Variants in COL12A1 observed in about 807,000 individuals in gnomAD.
The protein encoded by COL12A1 is collagen alpha-1(XII) chain.
A neutral mutation model predicts 349.7 loss-of-function variants in COL12A1; 114 were observed. That is an observed-to-expected ratio of 0.33 (90% CI 0.28 to 0.38). COL12A1 has a LOEUF of 0.38. Ranked by LOEUF, COL12A1 falls within the 10% of genes least tolerant of loss-of-function variation. COL12A1 has a pLI of 1.00. For synonymous variants in COL12A1, 1,369 were observed against 1,329.0 expected (o/e 1.03, Z -0.66); for missense variants, 3,284 against 3,756.9 (o/e 0.87, Z 3.29).
intron 37 of COL12A1, among the ~76,000 whole-genome samples, 181 bp from the exon 38 acceptor site, chr6:75,128,606 G>A (rs1766139585): frequency 1.3e-5 from 2 of 152,112 alleles, no homozygotes; most frequent in African/African-American, 4.8e-5. Context: ...ATAGGAGAGT[G>A]GTTTTAGAAT....
At chr6:75,116,417 A>G (rs1043178479) in intron 47 of COL12A1, among the ~76,000 whole-genome samples, 3 of 152,118 alleles carry the variant, frequency 2.0e-5, no homozygotes, top group African/African-American at 7.2e-5. Context: ...GAGCTTGTCC[A>G]TCCCCAACCC....
At chr6:75,163,351 T>C (rs1304234658) in intron 14 of COL12A1, among the ~76,000 whole-genome samples, 2 of 152,226 alleles carry the variant, frequency 1.3e-5, no homozygotes, top group African/African-American at 4.8e-5. Context: ...GATGAGTTCA[T>C]GTCCTTTGCA....
intron 17 of COL12A1, among the ~76,000 whole-genome samples, chr6:75,153,777 T>C (rs1767613480): frequency 6.6e-6 from 1 of 152,286 alleles, no homozygotes; most frequent in South Asian, 2.1e-4. Context: ...ACTAGCTTTA[T>C]GTTCATAAAG....
intron 2 of COL12A1, among the ~76,000 whole-genome samples, chr6:75,196,097 T>G (rs1770214910): frequency 6.6e-6 from 1 of 152,232 alleles, no homozygotes; most frequent in African/African-American, 2.4e-5. Context: ...AAATATTTTA[T>G]AATGATATTC....
At chr6:75,156,625 A>G (rs1204466943) in intron 14 of COL12A1, 102 bp from the exon 15 acceptor site, 13 of 1,073,924 alleles carry the variant, frequency 1.2e-5, no homozygotes, top group Non-Finnish European at 1.6e-5. Context: ...CTTCTTAAAT[A>G]TGTACACTGT....
intron 25 of COL12A1, among the ~76,000 whole-genome samples, chr6:75,144,285 C>T (rs1453888186): frequency 6.6e-6 from 1 of 152,176 alleles, no homozygotes; most frequent in Admixed American, 6.5e-5. Context: ...CCATTCCTTC[C>T]ATCTGCCACT....
intron 7 of COL12A1, 119 bp from the exon 8 acceptor site, chr6:75,188,654 T>C: frequency 9.0e-7 from 1 of 1,107,126 alleles, no homozygotes; most frequent in South Asian, 1.4e-5. Context: ...CATTAAGTCA[T>C]AAGCCAGAAT....
intron 8 of COL12A1, among the ~76,000 whole-genome samples, chr6:75,185,649 C>T (rs796339287): frequency 2.0e-5 from 3 of 152,112 alleles, no homozygotes; most frequent in African/African-American, 4.8e-5. Context: ...AAAAAGAATC[C>T]GAATATCCAA....
Position 75,101,492 on chromosome 6 carries a change from C to A in COL12A1, c.8523+108G>T, listed in dbSNP as rs949310460. 9 of 1,057,524 alleles carry A rather than the reference C, an allele frequency of 8.5e-6. No homozygotes were observed. In the African/African-American group the frequency reaches 1.4e-4, roughly 17 times the overall value. 65.5% of individuals were successfully genotyped at this position (1,057,524 alleles called of 1,614,324 possible). ...AGCTTTGCAGCTTTGCAGCTTTCCACAAGATATATTACCAGCCTTGCAAAC... is the reference window on the plus strand; with the variant it reads ...AGCTTTGCAGCTTTGCAGCTTTCCAAAAGATATATTACCAGCCTTGCAAAC... On this transcript the variant is annotated intron_variant, in intron 58 of 65. Coordinates refer to ENST00000322507, the MANE Select transcript of COL12A1 (RefSeq NM_004370.6).
In COL12A1 at chr6:75,103,799, A is replaced by G; in HGVS notation, c.8277T>C (p.Gly2759=). Residue 2759 remains glycine, a synonymous_variant, in exon 55 of 66, where the codon GGT becomes GGC. Transcript: ENST00000322507. ...CTCTTTCACCTCTGGGACCTTTAGCACCAGGTCCTCCCTAAAATACATAGA... is the reference window on the plus strand; with the variant it reads ...CTCTTTCACCTCTGGGACCTTTAGCGCCAGGTCCTCCCTAAAATACATAGA... ...PGPPGPAGGP[G]AKGPRGERGI... is the part of the protein sequence containing the mutation. 6.2e-7 allele frequency: 1 copy of G among 1,613,258 alleles called. No individual in the cohort carries two copies. Among genetic ancestry groups the G allele is most frequent in the Non-Finnish European group, 8.5e-7 (1 of 1,179,282 alleles).
intron 14 of COL12A1, 123 bp from the exon 15 acceptor site, chr6:75,156,646 A>G (rs1304839422): frequency 2.3e-6 from 2 of 886,164 alleles, no homozygotes; most frequent in South Asian, 1.8e-5. Context: ...TCCATTGCTT[A>G]GCATTGTAAT....
intron 16 of COL12A1, 139 bp from the exon 17 acceptor site, chr6:75,154,676 A>G: frequency 1.2e-6 from 1 of 804,528 alleles, no homozygotes; most frequent in Admixed American, 3.9e-5. Flanking sequence ...ACATTATAAG[A>G]GAAGAAAAAT....
intron 1 of COL12A1, among the ~76,000 whole-genome samples, chr6:75,205,150 AG>A (rs1315683774): frequency 6.6e-6 from 1 of 151,050 alleles, no homozygotes; most frequent in Non-Finnish European, 1.5e-5. Flanking sequence ...GGAGTCGGAG[AG>A]GGGACTTTCT....
At chr6:75,133,110 T>C (rs1250569647) in intron 34 of COL12A1, among the ~76,000 whole-genome samples, 183 bp downstream of exon 34, 2 of 152,254 alleles carry the variant, frequency 1.3e-5, no homozygotes, top group Non-Finnish European at 2.9e-5. Flanking sequence ...GATGCCATTA[T>C]AAATTTGTTA....
chr6:75,151,856 T>C lies in COL12A1; in HGVS notation c.4000+11A>G. On this transcript the variant is annotated intron_variant, in intron 20 of 65. Transcript: ENST00000322507. ...AACCCCAGGGGCATCACTGTCCTTT[T>C]CAGTGCGTACCAATAGCAAACAGCT... 6.2e-7 allele frequency: 1 copy of C among 1,613,158 alleles called. No individual in the cohort carries two copies. The highest frequency in any genetic ancestry group is 2.2e-5 in the East Asian group (1 of 44,878).
intron 13 of COL12A1, 122 bp from the exon 14 acceptor site, chr6:75,165,901 G>A (rs1188523876): frequency 5.2e-6 from 5 of 956,176 alleles, no homozygotes; most frequent in Admixed American, 5.6e-5. Flanking sequence ...GTCTAAAATT[G>A]CCCATTTCTT....
intron 2 of COL12A1, 128 bp downstream of exon 2, chr6:75,202,592 G>A (rs1175800053): frequency 2.3e-6 from 2 of 886,630 alleles, no homozygotes; most frequent in East Asian, 2.7e-5. Context: ...TTCTCTGAAG[G>A]AGAGAAACCA....
rs548603182 is a variant in COL12A1, at chr6:75,140,823, T to G, written c.4957+1209A>C. On this transcript the variant is annotated intron_variant, in intron 27 of 65. Coordinates refer to ENST00000322507, the MANE Select transcript of COL12A1 (RefSeq NM_004370.6). ...AGTATCAGTCCCATCAATAGGTTAC[T>G]GGATGTGGCTGGGCAAGTTGCTTAA... Among the ~76,000 whole-genome samples the G allele has an allele frequency of 2.6e-3, 398 of 152,260 alleles. 2 individuals carry two copies. Among genetic ancestry groups the G allele is most frequent in the Middle Eastern group, 6.8e-3 (2 of 294 alleles).
At chr6:75,096,669 G>A (rs1485635856) in intron 59 of COL12A1, among the ~76,000 whole-genome samples, 4 of 152,164 alleles carry the variant, frequency 2.6e-5, no homozygotes, top group African/African-American at 4.8e-5. Context: ...GGCCGAGGCC[G>A]GCAGATCACG....
Sources: allele counts gnomAD v4.1 joint callset (sites outside exome capture counted in the v4.1 genomes callset), GRCh38; gene constraint gnomAD v4.1.1; transcripts MANE v1.5; gene names NCBI Gene and HGNC (gene_info 2026-07-23, HGNC 2026-07-21).